The following WDR48 variants were observed in gnomAD, a reference collection of about 807,000 sequenced individuals.
WDR48 encodes the protein WD repeat-containing protein 48.
In WDR48, 22 loss-of-function variants were observed where a neutral mutation model predicts 94.0. The ratio of observed to expected loss-of-function variants is 0.23; its 90% CI spans 0.17 to 0.33. The LOEUF is 0.33. WDR48 is among the 10% of genes least tolerant of loss of function. WDR48 has a pLI of 1.00. For missense variants in WDR48, 541 were observed against 813.8 expected, an observed-to-expected ratio of 0.66 and a Z score of 4.08; for synonymous variants, 278 against 280.5, an observed-to-expected ratio of 0.99 and a Z score of 0.09.
At chr3:39,052,961 CG>C (rs1193221088) in intron 1 of WDR48, among the ~76,000 whole-genome samples, 1 of 152,120 alleles carries the variant, frequency 6.6e-6, no homozygotes. Context: ...GCATGGCACA[CG>C]TATACCTATG....
rs1476535222 is a variant in WDR48, at chr3:39,062,542, A to G, written c.49-508A>G. ...AAATGGAAACCTGAAGGCTGCAACA[A>G]GAGTTAGCCAGACAGGTCGGAGGAA... On this transcript the variant is annotated intron_variant, in intron 1 of 18. Transcript: ENST00000302313. Among the ~76,000 whole-genome samples the G allele has an allele frequency of 5.9e-5, 9 of 152,222 alleles. 1 individual carries two copies. In the East Asian group the frequency reaches 9.6e-4, roughly 16 times the overall value.
At chr3:39,062,383 G>C (rs1019434329) in intron 1 of WDR48, among the ~76,000 whole-genome samples, 2 of 152,196 alleles carry the variant, frequency 1.3e-5, no homozygotes, top group African/African-American at 4.8e-5. Context: ...GTTTTCACAA[G>C]GAACAGACAG....
intron 1 of WDR48, among the ~76,000 whole-genome samples, chr3:39,053,263 C>T (rs1031354950): frequency 6.6e-6 from 1 of 152,108 alleles, no homozygotes; most frequent in Non-Finnish European, 1.5e-5. Context: ...TGGAGTTCTG[C>T]GGGTTGAAAT....
At position 39,093,948 on chromosome 3, in the gene WDR48, T is replaced by G; in HGVS notation, c.1820T>G (p.Leu607Trp). The G allele has an allele frequency of 6.2e-7, 1 of 1,613,890 alleles. No individual in the cohort carries two copies. The highest frequency in any genetic ancestry group is 8.5e-7 in the Non-Finnish European group (1 of 1,179,968). Residue 607 changes from leucine to tryptophan, a missense_variant, in exon 18 of 19, where the codon TTG (leucine) becomes TGG (tryptophan). Physicochemically the swap from Leu to Trp is moderately conservative, Grantham distance 61 (BLOSUM62 -2). Around this residue, in one of 5 missense-constraint regions of WDR48, gnomAD observed 109 missense variants for 195.5 expected, o/e 0.56. Transcript: ENST00000302313. ...CATGTTTATGAAAAAATTATCAACT[T>G]GGATAATGAGTCTCAAACCACTAGC... ...MEHVYEKIIN[L>W]DNESQTTSSS...
chr3:39,060,438 G>GCA (rs1201343918), intron 1 of WDR48, among the ~76,000 whole-genome samples: 5,669 of 137,554 alleles, frequency 0.041, 341 homozygotes, highest in African/African-American at 0.14. Flanking sequence ...ATATATATAT[G>GCA]CACACACACA....
At position 39,063,048 on chromosome 3, in the gene WDR48, A is replaced by G; in HGVS notation, c.49-2A>G. On this transcript the variant is annotated splice_acceptor_variant, in intron 1 of 18. Transcript: ENST00000302313. LOFTEE classifies it high-confidence loss of function. ...AAAAGCATATGTTGACACATTTGTC[A>G]GGTTTCCTATGTTATTCGAGATGAA... The G allele has an allele frequency of 6.2e-7, 1 of 1,614,006 alleles. No homozygotes were observed. The highest frequency in any genetic ancestry group is 8.5e-7 in the Non-Finnish European group (1 of 1,179,918).
intron 1 of WDR48, chr3:39,052,658 G>A (rs897047884): frequency 6.5e-6 from 1 of 152,766 alleles, no homozygotes; most frequent in African/African-American, 2.4e-5. Flanking sequence ...AATTGTTTTG[G>A]TATTTAAGTT....
At position 39,084,167 on chromosome 3, in the gene WDR48, G is replaced by C; in HGVS notation, c.1186G>C (p.Glu396Gln). 1 of 1,610,146 alleles carries C rather than the reference G, an allele frequency of 6.2e-7. No homozygotes were observed. The highest frequency in any genetic ancestry group is 8.5e-7 in the Non-Finnish European group (1 of 1,177,456). The stretch of plus-strand genomic sequence containing the variant: ...TTTTGATGTATAGGCATGTAAAGTT[G>C]AAGATCTGGGCAAAGTGGATTTTGA... ...YWDVLKACKV[E>Q]DLGKVDFEDE... Residue 396 changes from glutamate to glutamine, a missense_variant, in exon 12 of 19, where the codon GAA becomes CAA. This residue lies in a region of WDR48 where 238 missense variants were observed against 285.3 expected (regional missense o/e 0.83). Coordinates refer to ENST00000302313, the MANE Select transcript of WDR48 (RefSeq NM_020839.4).
chr3:39,088,260 T>C (rs1559625738), intron 15 of WDR48, 27 bp downstream of exon 15: 2 of 1,607,398 alleles, frequency 1.2e-6, no homozygotes, highest in Non-Finnish European at 1.7e-6. Flanking sequence ...CAAGAGGTTC[T>C]GCCTGAGAAG....
chr3:39,060,153 G>A (rs534372040), intron 1 of WDR48, among the ~76,000 whole-genome samples: 3 of 151,958 alleles, frequency 2.0e-5, no homozygotes, highest in South Asian at 4.2e-4. Context: ...TTGTATATTC[G>A]GAAAGTTGTT....
chr3:39,069,810 T>C, intron 7 of WDR48, 66 bp downstream of exon 7: 1 of 1,275,578 alleles, frequency 7.8e-7, no homozygotes, highest in South Asian at 1.7e-5. Flanking sequence ...TTGTATACTA[T>C]TGCATAGGTT....
At chr3:39,069,999 G>A (rs1434467961) in intron 7 of WDR48, among the ~76,000 whole-genome samples, 2 of 152,148 alleles carry the variant, frequency 1.3e-5, no homozygotes, top group Non-Finnish European at 2.9e-5. Flanking sequence ...GTGCATAGGG[G>A]CTAAAATAAC....
chr3:39,083,181 G>A (rs1575426696), intron 11 of WDR48, among the ~76,000 whole-genome samples: 2 of 152,296 alleles, frequency 1.3e-5, no homozygotes, highest in African/African-American at 4.8e-5. Context: ...AGTGAGTTGA[G>A]TAGTGATTTG....
rs991671808 is a variant in WDR48, at chr3:39,096,258, A to G, written c.*1515A>G. ...GCAAAGACGTGGCCACATTTCTAAT[A>G]AGTTGAAATGGTCTTTCTCCCTTCC... On this transcript the variant is annotated 3_prime_UTR_variant, in exon 19 of 19. Coordinates refer to ENST00000302313, the MANE Select transcript of WDR48 (RefSeq NM_020839.4). 4 of 152,064 alleles carry G rather than the reference A, an allele frequency of 2.6e-5. No individual in the cohort carries two copies. The highest frequency in any genetic ancestry group is 4.4e-5 in the Non-Finnish European group (3 of 68,030). 9.4% of individuals were successfully genotyped at this position (152,064 alleles called of 1,614,324 possible). A position where few individuals can be genotyped will look rare whatever the true frequency, so the allele number is the denominator to read the frequency against.
At chr3:39,061,561 C>T (rs568589840) in intron 1 of WDR48, among the ~76,000 whole-genome samples, 3 of 152,124 alleles carry the variant, frequency 2.0e-5, no homozygotes, top group African/African-American at 7.2e-5. Flanking sequence ...AATAAACATA[C>T]GTGGGCATGT....
chr3:39,081,044 T>C (rs1382862929), intron 11 of WDR48, among the ~76,000 whole-genome samples: 1 of 152,160 alleles, frequency 6.6e-6, no homozygotes, highest in Non-Finnish European at 1.5e-5. Context: ...AAATCTCATG[T>C]TGAGGGCAGT....
intron 7 of WDR48, among the ~76,000 whole-genome samples, chr3:39,071,131 C>T (rs559074083): frequency 4.6e-5 from 7 of 152,090 alleles, no homozygotes; most frequent in South Asian, 4.1e-4. Flanking sequence ...TGAATAGTGC[C>T]GCAATAAACA....
chr3:39,065,750 A>G (rs76429290), intron 2 of WDR48, 61 bp from the exon 3 acceptor site: 35,373 of 1,262,738 alleles, frequency 0.028, 739 homozygotes, highest in South Asian at 0.074. Flanking sequence ...AACCATATCT[A>G]TCATTTGTAA....
intron 1 of WDR48, among the ~76,000 whole-genome samples, chr3:39,052,960 A>C (rs1030885038): frequency 6.6e-6 from 1 of 152,236 alleles, no homozygotes; most frequent in East Asian, 1.9e-4. Flanking sequence ...AGCATGGCAC[A>C]CGTATACCTA....
Sources: gnomAD v4.1 joint callset for allele counts (sites outside exome capture counted in the v4.1 genomes callset) on GRCh38, gnomAD v4.1.1 for gene constraint, gnomAD v4.1.1 regional missense constraint, MANE v1.5 for transcripts, NCBI Gene and HGNC (gene_info 2026-07-23, HGNC 2026-07-21) for gene names.